Variants in CDH1 observed in about 807,000 individuals in gnomAD.
CDH1 encodes cadherin 1.
Under a neutral mutation model 84.5 loss-of-function variants are expected in CDH1, and 35 were observed. The observed-to-expected ratio is 0.41, with a 90% confidence interval of 0.32 to 0.55. The LOEUF is 0.55. Ranked by LOEUF, CDH1 falls within the 20% of genes least tolerant of loss-of-function variation. The pLI is 0.19. For synonymous variants in CDH1, 417 were observed against 439.0 expected, an observed-to-expected ratio of 0.95 and a Z score of 0.63; for missense variants, 994 against 1,126.6, an observed-to-expected ratio of 0.88 and a Z score of 1.68.
intron 5 of CDH1, among the ~76,000 whole-genome samples, chr16:68,809,988 G>A (rs1047306018): frequency 6.6e-6 from 1 of 152,184 alleles, no homozygotes; most frequent in Admixed American, 6.5e-5. Context: ...GGTCTGAGCC[G>A]TGGGGGGTGT....
chr16:68,787,865 G>T (rs1960102865), intron 2 of CDH1, among the ~76,000 whole-genome samples: 1 of 129,820 alleles, frequency 7.7e-6, no homozygotes, highest in Admixed American at 8.5e-5. Flanking sequence ...CACTCTTGTT[G>T]CCCAGGCTGG....
At chr16:68,737,529 G>A (rs1216298304) in intron 1 of CDH1, 66 bp downstream of exon 1, 5 of 1,343,978 alleles carry the variant, frequency 3.7e-6, no homozygotes, top group Non-Finnish European at 4.1e-6. Flanking sequence ...CCAGCCCTGC[G>A]CCCCTTCCTC....
At chr16:68,739,166 G>A (rs930132282) in intron 2 of CDH1, among the ~76,000 whole-genome samples, 7 of 151,860 alleles carry the variant, frequency 4.6e-5, no homozygotes, top group African/African-American at 1.4e-4. Flanking sequence ...TGTAATCCCA[G>A]CACTTTGGGA....
At chr16:68,752,277 C>G (rs942548788) in intron 2 of CDH1, among the ~76,000 whole-genome samples, 2 of 152,136 alleles carry the variant, frequency 1.3e-5, no homozygotes, top group Admixed American at 1.3e-4. Context: ...TGATAGTAAA[C>G]CCTGCCCTCA....
chr16:68,792,364 G>C (rs1389999229), intron 2 of CDH1, among the ~76,000 whole-genome samples: 1 of 151,868 alleles, frequency 6.6e-6, no homozygotes, highest in South Asian at 2.1e-4. Flanking sequence ...CGAGTAGCTG[G>C]GATTACAGGC....
Position 68,835,044 on chromosome 16 carries a change from T to C in CDH1, c.*1545T>C, listed in dbSNP as rs186584057. 1.4e-4 allele frequency: 32 copies of C among 231,980 alleles called. No individual in the cohort carries two copies. The highest frequency in any genetic ancestry group is 6.2e-4 in the Admixed American group (11 of 17,750). 14.4% of individuals were successfully genotyped at this position (231,980 alleles called of 1,614,324 possible). A position where few individuals can be genotyped will look rare whatever the true frequency, so the allele number is the denominator to read the frequency against. ...AGAATCCCCAAGTGCCTGCTTTTGA[T>C]GATGTCTACAGAAAATGCTGGCTGA... is the stretch of plus-strand genomic sequence containing the variant. On this transcript the variant is annotated 3_prime_UTR_variant, in exon 16 of 16. Transcript: ENST00000261769.
chr16:68,798,674 T>C (rs919289740), intron 2 of CDH1, among the ~76,000 whole-genome samples: 3 of 152,198 alleles, frequency 2.0e-5, no homozygotes, highest in African/African-American at 7.2e-5. Flanking sequence ...ACTTTCACTG[T>C]CTAAATTTGG....
chr16:68,753,902 G>A (rs1481996938), intron 2 of CDH1, among the ~76,000 whole-genome samples: 1 of 150,462 alleles, frequency 6.6e-6, no homozygotes, highest in Non-Finnish European at 1.5e-5. Context: ...GGATCATGAG[G>A]TCAGCAGATC....
intron 2 of CDH1, among the ~76,000 whole-genome samples, chr16:68,738,936 CTTTTTT>C (rs1555509828): frequency 4.2e-3 from 48 of 11,438 alleles, no homozygotes; most frequent in East Asian, 7.5e-3. Flanking sequence ...GATATAAAAG[CTTTTTT>C]TTTTTTTTTT....
chr16:68,748,402 G>A (rs931806728), intron 2 of CDH1, among the ~76,000 whole-genome samples: 24 of 152,090 alleles, frequency 1.6e-4, no homozygotes, highest in African/African-American at 2.7e-4. Context: ...CACCATGTCC[G>A]GCCATTTTAA....
chr16:68,834,304 C>T lies in CDH1; in HGVS notation c.*805C>T, dbSNP rs369137612. 1 of 511,044 alleles carries T rather than the reference C, an allele frequency of 2.0e-6. No homozygotes were observed. Among genetic ancestry groups the T allele is most frequent in the Admixed American group, 2.3e-5 (1 of 44,062 alleles). 31.7% of individuals were successfully genotyped at this position (511,044 alleles called of 1,614,324 possible). A position where few individuals can be genotyped will look rare whatever the true frequency, so the allele number is the denominator to read the frequency against. ...TAAGAGACAGTTTCGCTCCATCGCC[C>T]AGGCCTGGGATGCAGTGATGTGATC... On this transcript the variant is annotated 3_prime_UTR_variant, in exon 16 of 16. Coordinates refer to ENST00000261769, the MANE Select transcript of CDH1 (RefSeq NM_004360.5).
chr16:68,767,005 G>A (rs1345590944), intron 2 of CDH1, among the ~76,000 whole-genome samples: 1 of 152,096 alleles, frequency 6.6e-6, no homozygotes, highest in Non-Finnish European at 1.5e-5. Context: ...GGGATTACAG[G>A]TGTGAGCCAC....
At chr16:68,743,447 C>T (rs1327095589) in intron 2 of CDH1, among the ~76,000 whole-genome samples, 6 of 151,702 alleles carry the variant, frequency 4.0e-5, no homozygotes, top group Non-Finnish European at 8.8e-5. Context: ...CTCACTGCAA[C>T]CCCCGCCTGC....
intron 2 of CDH1, among the ~76,000 whole-genome samples, chr16:68,745,022 G>A (rs771727770): frequency 9.9e-5 from 15 of 152,282 alleles, no homozygotes; most frequent in Middle Eastern, 6.8e-3. Flanking sequence ...TTGCCACTGT[G>A]CAGGGTGCTC....
At chr16:68,783,433 GT>G (rs1235721988) in intron 2 of CDH1, among the ~76,000 whole-genome samples, 13 of 150,394 alleles carry the variant, frequency 8.6e-5, no homozygotes, top group Admixed American at 1.3e-4. Context: ...AAAAAAGTTT[GT>G]TTATGTGAAC....
chr16:68,758,706 C>T (rs961244432), intron 2 of CDH1, among the ~76,000 whole-genome samples: 5 of 151,790 alleles, frequency 3.3e-5, no homozygotes, highest in African/African-American at 1.2e-4. Flanking sequence ...TCAAAGGAGC[C>T]ACAGAGGATT....
intron 2 of CDH1, among the ~76,000 whole-genome samples, chr16:68,739,142 C>T (rs575595900): frequency 4.6e-4 from 70 of 151,752 alleles, no homozygotes; most frequent in Non-Finnish European, 9.1e-4. Flanking sequence ...AGGCTGGGCG[C>T]AGTGGCTAAC....
chr16:68,790,168 G>T (rs1249106676), intron 2 of CDH1, among the ~76,000 whole-genome samples: 1 of 152,188 alleles, frequency 6.6e-6, no homozygotes, highest in African/African-American at 2.4e-5. Context: ...TCACCAGTCG[G>T]AATGTAAGCC....
intron 2 of CDH1, among the ~76,000 whole-genome samples, chr16:68,794,574 T>C (rs1960303841): frequency 6.6e-6 from 1 of 151,442 alleles, no homozygotes; most frequent in African/African-American, 2.4e-5. Flanking sequence ...GGGTGGAGTG[T>C]GGTGGTACAA....
Sources: allele counts gnomAD v4.1 joint callset (sites outside exome capture counted in the v4.1 genomes callset), GRCh38; gene constraint gnomAD v4.1.1; transcripts MANE v1.5; gene names NCBI Gene and HGNC (gene_info 2026-07-23, HGNC 2026-07-21).